The following PIWIL2 variants were observed in gnomAD, a reference collection of about 807,000 sequenced individuals.
PIWIL2 encodes the protein piwi like RNA-mediated gene silencing 2.
A neutral mutation model predicts 116.5 loss-of-function variants in PIWIL2; 81 were observed. The observed-to-expected ratio is 0.70, with a 90% CI of 0.58 to 0.84. The LOEUF is 0.84. Ranked by LOEUF, PIWIL2 falls within the 40% of genes least tolerant of loss-of-function variation. PIWIL2 has a pLI of 0.00. For synonymous variants in PIWIL2, 489 were observed against 429.5 expected, an observed-to-expected ratio of 1.14 and a Z score of -1.71; for missense variants, 1,272 against 1,212.3, an observed-to-expected ratio of 1.05 and a Z score of -0.73.
intron 10 of PIWIL2, among the ~76,000 whole-genome samples, chr8:22,298,069 C>T (rs528446927): frequency 6.6e-6 from 1 of 152,164 alleles, no homozygotes; most frequent in South Asian, 2.1e-4. Flanking sequence ...CCAGCCTGGG[C>T]AACATGGCAA....
chr8:22,296,267 G>A (rs1022629587), intron 10 of PIWIL2, among the ~76,000 whole-genome samples: 1 of 151,886 alleles, frequency 6.6e-6, no homozygotes, highest in African/African-American at 2.4e-5. Flanking sequence ...GGACGGTCTC[G>A]ATCTCTTGAC....
At chr8:22,338,821 CATT>C (rs1472623440) in intron 20 of PIWIL2, among the ~76,000 whole-genome samples, 1 of 152,052 alleles carries the variant, frequency 6.6e-6, no homozygotes, top group Non-Finnish European at 1.5e-5. Flanking sequence ...GCAAAAGTAA[CATT>C]TTTTTTTGCA....
chr8:22,281,767 A>AT (rs1313870060), intron 4 of PIWIL2, among the ~76,000 whole-genome samples: 4,460 of 118,476 alleles, frequency 0.038, 135 homozygotes, highest in African/African-American at 0.057. Context: ...GATCATGGTG[A>AT]TTTTTTTTTT....
At chr8:22,302,388 C>T (rs889192753) in intron 10 of PIWIL2, among the ~76,000 whole-genome samples, 1 of 151,990 alleles carries the variant, frequency 6.6e-6, no homozygotes, top group Non-Finnish European at 1.5e-5. Flanking sequence ...ATCATGTTGG[C>T]CAGGATGGTC....
intron 20 of PIWIL2, among the ~76,000 whole-genome samples, chr8:22,326,752 T>C (rs1006921365): frequency 1.3e-5 from 2 of 152,200 alleles, no homozygotes; most frequent in Non-Finnish European, 2.9e-5. Flanking sequence ...TTGATAAACA[T>C]TTGGGCTGTT....
intron 20 of PIWIL2, among the ~76,000 whole-genome samples, chr8:22,349,565 C>T (rs1319102498): frequency 1.3e-5 from 2 of 151,906 alleles, no homozygotes; most frequent in African/African-American, 4.8e-5. Flanking sequence ...CAGAGTCAGA[C>T]TCAGTCCCAG....
Position 22,326,512 on chromosome 8 carries a change from T to C in PIWIL2, c.2403+8237T>C, listed in dbSNP as rs185623945. Among the ~76,000 whole-genome samples, 200 of 152,300 alleles carry C rather than the reference T, an allele frequency of 1.3e-3. 2 individuals are homozygous for C. Among genetic ancestry groups the C allele is most frequent in the Non-Finnish European group, 6.0e-4 (41 of 68,014 alleles). ...AAATAATCATTCCTTATTCACACCTTCTCCTAATTTCTGGTAACATCTAAT... is the reference window on the plus strand; with the variant it reads ...AAATAATCATTCCTTATTCACACCTCCTCCTAATTTCTGGTAACATCTAAT... On this transcript the variant is annotated intron_variant, in intron 20 of 22. Transcript: ENST00000356766.
chr8:22,320,736 G>A (rs932318355), intron 20 of PIWIL2, among the ~76,000 whole-genome samples: 1 of 151,994 alleles, frequency 6.6e-6, no homozygotes, highest in Non-Finnish European at 1.5e-5. Flanking sequence ...GATTACAGGT[G>A]CCCGCCACCA....
chr8:22,315,775 G>A (rs1158051201), intron 18 of PIWIL2, among the ~76,000 whole-genome samples: 1 of 152,190 alleles, frequency 6.6e-6, no homozygotes, highest in African/African-American at 2.4e-5. Flanking sequence ...TTTGTGTTAA[G>A]CAGATAGAAT....
Position 22,341,459 on chromosome 8 carries a change from G to A in PIWIL2, c.2404-11500G>A, listed in dbSNP as rs529887191. On this transcript the variant is annotated intron_variant, in intron 20 of 22. Coordinates refer to ENST00000356766, the MANE Select transcript of PIWIL2 (RefSeq NM_018068.5). ...AAAAATACAAAATTAGCTGGGCATG[G>A]TGGTGCATACCTGTAATCCCAGCTA... Among the ~76,000 whole-genome samples the A allele has an allele frequency of 4.8e-4, 73 of 151,998 alleles. 2 individuals are homozygous for A. The highest frequency in any genetic ancestry group is 2.1e-4 in the South Asian group (1 of 4,822).
chr8:22,330,992 T>C (rs932898373), intron 20 of PIWIL2, among the ~76,000 whole-genome samples: 14 of 152,000 alleles, frequency 9.2e-5, no homozygotes, highest in Admixed American at 6.6e-4. Context: ...CTGGCCAACA[T>C]GGTGAAACCC....
chr8:22,338,787 T>G (rs1322435062), intron 20 of PIWIL2, among the ~76,000 whole-genome samples: 1 of 152,184 alleles, frequency 6.6e-6, no homozygotes, highest in African/African-American at 2.4e-5. Flanking sequence ...CAAATGTGAA[T>G]CTACAAATGT....
At chr8:22,278,128 A>G (rs1187867158) in intron 1 of PIWIL2, among the ~76,000 whole-genome samples, 2 of 151,480 alleles carry the variant, frequency 1.3e-5, no homozygotes, top group East Asian at 3.9e-4. Flanking sequence ...AGATTGCACC[A>G]TTGCACTCCA....
chr8:22,322,424 T>A lies in PIWIL2; in HGVS notation c.2403+4149T>A, dbSNP rs754648485. The stretch of plus-strand genomic sequence containing the variant: ...TACCACCACACCCAGCTAATTTTTG[T>A]ATTTTTTGTAGAGACAGAGGGTCAC... On this transcript the variant is annotated intron_variant, in intron 20 of 22. Transcript: ENST00000356766. 1.6e-3 allele frequency among the ~76,000 whole-genome samples: 237 copies of A among 152,110 alleles called. 2 individuals carry two copies. The highest frequency in any genetic ancestry group is 2.2e-3 in the Non-Finnish European group (149 of 67,986).
In PIWIL2 at chr8:22,284,260, A is replaced by G; in HGVS notation, c.731A>G (p.His244Arg). The G allele has an allele frequency of 1.3e-6, 2 of 1,565,826 alleles. No individual in the cohort carries two copies. Among genetic ancestry groups the G allele is most frequent in the Non-Finnish European group, 1.7e-6 (2 of 1,143,164 alleles). Reference protein sequence around the residue: ...QCHNEAVYQYHVTFSPNVECK... With the variant: ...QCHNEAVYQYRVTFSPNVECK... Reference sequence around the variant, plus strand: ...CATAATGAAGCAGTTTATCAATATCATGTGACTTTCAGGTATTCACAGCTT... The same window carrying G: ...CATAATGAAGCAGTTTATCAATATCGTGTGACTTTCAGGTATTCACAGCTT... Residue 244 changes from histidine (H) to arginine (R), a missense_variant, in exon 6 of 23, where the codon CAT (histidine) becomes CGT (arginine). Coordinates refer to ENST00000356766, the MANE Select transcript of PIWIL2 (RefSeq NM_018068.5).
intron 20 of PIWIL2, among the ~76,000 whole-genome samples, chr8:22,320,076 C>T (rs1490110240): frequency 2.0e-5 from 3 of 151,994 alleles, no homozygotes; most frequent in African/African-American, 7.3e-5. Flanking sequence ...GATTCTCCTG[C>T]CTCAGCCTCC....
chr8:22,307,938 G>C lies in PIWIL2; in HGVS notation c.1551G>C (p.Leu517Phe). Residue 517 changes from leucine to phenylalanine, a missense_variant, in exon 14 of 23, where the codon TTG (leucine) becomes TTC (phenylalanine). Leu to Phe is a conservative substitution (Grantham distance 22). Transcript: ENST00000356766. ...TTTATTTTAATTCTGTTTAGGATTTGGCTCAGCAAATCAATCTGAGCCCCA... is the reference window on the plus strand; with the variant it reads ...TTTATTTTAATTCTGTTTAGGATTTCGCTCAGCAAATCAATCTGAGCCCCA... Reference protein sequence around the residue: ...MKKDFRAMKDLAQQINLSPKQ... With the variant: ...MKKDFRAMKDFAQQINLSPKQ... 6.2e-7 allele frequency: 1 copy of C among 1,605,776 alleles called. No individual in the cohort carries two copies. Among genetic ancestry groups the C allele is most frequent in the South Asian group, 1.1e-5 (1 of 90,056 alleles).
chr8:22,318,326 T>A, intron 20 of PIWIL2, 51 bp downstream of exon 20: 2 of 1,061,246 alleles, frequency 1.9e-6, no homozygotes, highest in Non-Finnish European at 2.8e-6. Context: ...TTTTTTTATT[T>A]TTTTTTTTGA....
At chr8:22,322,359 T>C (rs1287698751) in intron 20 of PIWIL2, among the ~76,000 whole-genome samples, 1 of 151,858 alleles carries the variant, frequency 6.6e-6, no homozygotes, top group Non-Finnish European at 1.5e-5. Flanking sequence ...CAAGGGATCC[T>C]CCCACCTCAG....
Sources: allele counts gnomAD v4.1 joint callset (sites outside exome capture counted in the v4.1 genomes callset), GRCh38; gene constraint gnomAD v4.1.1; transcripts MANE v1.5; gene names NCBI Gene and HGNC (gene_info 2026-07-23, HGNC 2026-07-21).